The following SCARB1 variants were observed in gnomAD, a reference collection of about 807,000 sequenced individuals.
The protein encoded by SCARB1 is CD36 and LIMPII analogous 1.
A neutral mutation model predicts 57.2 loss-of-function variants in SCARB1; 30 were observed. The observed-to-expected ratio is 0.52, with a 90% CI of 0.39 to 0.71. The LOEUF is 0.71. Ranked by LOEUF, SCARB1 falls within the 30% of genes least tolerant of loss-of-function variation. The pLI is 0.00. For synonymous variants in SCARB1, 249 were observed against 268.3 expected (o/e 0.93, Z 0.70); for missense variants, 543 against 671.2 (o/e 0.81, Z 2.11).
intron 1 of SCARB1, among the ~76,000 whole-genome samples, chr12:124,835,926 C>T (rs1951630932): frequency 6.6e-6 from 1 of 152,212 alleles, no homozygotes; most frequent in Non-Finnish European, 1.5e-5. Context: ...ACGGGCCCCA[C>T]CACTCCCTAT....
chr12:124,852,649 A>G (rs1288781128), intron 1 of SCARB1, among the ~76,000 whole-genome samples: 1 of 152,272 alleles, frequency 6.6e-6, no homozygotes, highest in African/African-American at 2.4e-5. Flanking sequence ...TGAACGAGAC[A>G]GATAAAGTCT....
chr12:124,793,390 A>C (rs1280593822), intron 9 of SCARB1, among the ~76,000 whole-genome samples: 2 of 148,294 alleles, frequency 1.3e-5, no homozygotes. Context: ...ACCCTGCTGC[A>C]CTGCTGCTAA....
At chr12:124,853,089 GTCT>G (rs1952484822) in intron 1 of SCARB1, among the ~76,000 whole-genome samples, 1 of 152,128 alleles carries the variant, frequency 6.6e-6, no homozygotes, top group African/African-American at 2.4e-5. Flanking sequence ...ATCACGGGGT[GTCT>G]TCTTCAAAAG....
intron 1 of SCARB1, among the ~76,000 whole-genome samples, chr12:124,863,176 A>C (rs2135877373): frequency 6.6e-6 from 1 of 152,008 alleles, no homozygotes; most frequent in East Asian, 2.0e-4. Flanking sequence ...TGCAGCTCTA[A>C]TTTTACCGGA....
chr12:124,784,507 A>G (rs1349155302), intron 11 of SCARB1: 1 of 152,292 alleles, frequency 6.6e-6, no homozygotes, highest in Non-Finnish European at 1.5e-5. Context: ...CAGGTCTGAA[A>G]GCCAAGGTGA....
chr12:124,791,165 G>A (rs529349557), intron 9 of SCARB1, among the ~76,000 whole-genome samples: 1 of 152,338 alleles, frequency 6.6e-6, no homozygotes, highest in South Asian at 2.1e-4. Flanking sequence ...GACTCCCCTG[G>A]GAGAGGGCTC....
intron 1 of SCARB1, among the ~76,000 whole-genome samples, chr12:124,830,510 G>T (rs541982100): frequency 6.6e-6 from 1 of 152,126 alleles, no homozygotes; most frequent in Non-Finnish European, 1.5e-5. Context: ...AGACAAAAGG[G>T]AATGACCAAT....
chr12:124,791,812 T>C (rs1949741032), intron 9 of SCARB1, among the ~76,000 whole-genome samples: 1 of 151,974 alleles, frequency 6.6e-6, no homozygotes, highest in Non-Finnish European at 1.5e-5. Context: ...AAAAATTTGC[T>C]GGGCGTGGTG....
Position 124,786,471 on chromosome 12 carries a change from T to A in SCARB1, c.1287A>T (p.Thr429=), listed in dbSNP as rs1209730971. 2 of 1,613,970 alleles carry A rather than the reference T, an allele frequency of 1.2e-6. No individual in the cohort carries two copies. Among genetic ancestry groups the A allele is most frequent in the Non-Finnish European group, 1.7e-6 (2 of 1,180,012 alleles). ...GCATCAACACCAGCTGAGTGTAGAA[T>A]GTGTGAAGAGTCTCCCCCTCCATGG... The part of the protein sequence containing the change: ...SGAMEGETLH[T]FYTQLVLMPK... Residue 429 remains threonine, a synonymous_variant, in exon 11 of 13, where the codon ACA becomes ACT. Transcript: ENST00000261693.
rs139749756 is a variant in SCARB1, at chr12:124,802,912, T to C, written c.1010-2670A>G. Among the ~76,000 whole-genome samples the C allele has an allele frequency of 5.3e-4, 80 of 152,178 alleles. 1 individual carries two copies. Among genetic ancestry groups the C allele is most frequent in the Admixed American group, 2.1e-3 (32 of 15,298 alleles). ...ATAACATGCCACAGAAACACAGACA[T>C]AGGTGCACCAAACGACACGTGTGCA... On this transcript the variant is annotated intron_variant, in intron 7 of 12. Coordinates refer to ENST00000261693, the MANE Select transcript of SCARB1 (RefSeq NM_005505.5).
rs1465121168 is a variant in SCARB1, at chr12:124,807,158, G to A, written c.1009+603C>T. On this transcript the variant is annotated intron_variant, in intron 7 of 12. Coordinates refer to ENST00000261693, the MANE Select transcript of SCARB1 (RefSeq NM_005505.5). This position sits in a 1 kb window ranked among gnomAD's most constrained non-coding sequence, Gnocchi z 5.3. ...GGAGGTTGCAGTGAGCTGAAATGGC[G>A]CCACTGCACTCCAACCTGGGTAACA... Among the ~76,000 whole-genome samples, 3 of 152,030 alleles carry A rather than the reference G, an allele frequency of 2.0e-5. No individual in the cohort carries two copies. Among genetic ancestry groups the A allele is most frequent in the African/African-American group, 7.2e-5 (3 of 41,382 alleles).
intron 8 of SCARB1, among the ~76,000 whole-genome samples, chr12:124,798,393 G>A (rs1169582407): frequency 6.7e-6 from 1 of 149,200 alleles, no homozygotes; most frequent in Admixed American, 6.7e-5. Context: ...CCTGGGTGAC[G>A]CAGCAAGACT....
chr12:124,816,487 G>A (rs989255605), intron 2 of SCARB1, among the ~76,000 whole-genome samples: 6 of 152,196 alleles, frequency 3.9e-5, no homozygotes, highest in East Asian at 1.9e-4. Flanking sequence ...ATGAGTGAAC[G>A]GAATGCAGCA....
chr12:124,830,852 G>T (rs183919327), intron 1 of SCARB1, among the ~76,000 whole-genome samples: 1 of 152,080 alleles, frequency 6.6e-6, no homozygotes, highest in East Asian at 1.9e-4. Context: ...TCACTCTGTC[G>T]CCCAGGCTGG....
intron 1 of SCARB1, among the ~76,000 whole-genome samples, chr12:124,841,470 A>C (rs1402842652): frequency 6.7e-6 from 1 of 149,826 alleles, no homozygotes; most frequent in Non-Finnish European, 1.5e-5. Flanking sequence ...CGACAGAGAA[A>C]GACTCTGTCT....
At chr12:124,795,332 C>G in intron 8 of SCARB1, 64 bp from the exon 9 acceptor site, 1 of 1,332,082 alleles carries the variant, frequency 7.5e-7, no homozygotes, top group Non-Finnish European at 1.1e-6. Flanking sequence ...CGTCAACCCT[C>G]CTCTCCCTGG....
At position 124,853,551 on chromosome 12, in the gene SCARB1, C is replaced by T. The variant is rs200078882; in HGVS notation, c.126+10044G>A. On this transcript the variant is annotated intron_variant, in intron 1 of 12. Transcript: ENST00000261693. ...CTGGAATTACAGGCACATGCCACCACGCCTGGCTAATTTTTGTATTTTTAG... is the reference window on the plus strand; with the variant it reads ...CTGGAATTACAGGCACATGCCACCATGCCTGGCTAATTTTTGTATTTTTAG... Among the ~76,000 whole-genome samples, 13 of 152,164 alleles carry T rather than the reference C, an allele frequency of 8.5e-5. No individual in the cohort carries two copies. In the East Asian group the frequency reaches 1.5e-3, roughly 18 times the overall value.
In SCARB1 at chr12:124,796,180, C is replaced by T. The variant is rs1056495052; in HGVS notation, c.1129-912G>A. Among the ~76,000 whole-genome samples the T allele has an allele frequency of 9.2e-5, 14 of 152,210 alleles. No individual in the cohort carries two copies. The highest frequency in any genetic ancestry group is 1.8e-4 in the Non-Finnish European group (12 of 68,042). On this transcript the variant is annotated intron_variant, in intron 8 of 12. Transcript: ENST00000261693. This position sits in a 1 kb window ranked among gnomAD's most constrained non-coding sequence, Gnocchi z 4.0. ...TGTTGACCAGGCTGGTCTCAAACTC[C>T]TGGCAGCAAGCGAACTGCCCACCTT... is the stretch of plus-strand genomic sequence containing the variant.
At chr12:124,779,067 C>T (rs553928726) in intron 12 of SCARB1, among the ~76,000 whole-genome samples, 42 of 152,296 alleles carry the variant, frequency 2.8e-4, no homozygotes, top group African/African-American at 9.9e-4. Context: ...CCTCCCACCT[C>T]GGCCTCCCAA....
Sources: allele counts gnomAD v4.1 joint callset (sites outside exome capture counted in the v4.1 genomes callset), GRCh38; gene constraint gnomAD v4.1.1; non-coding constraint Gnocchi (gnomAD v3.1); transcripts MANE v1.5; gene names NCBI Gene and HGNC (gene_info 2026-07-23, HGNC 2026-07-21).